ARB2A: variants seen among roughly 807,000 people sequenced by gnomAD.
ARB2A encodes ARB2 cotranscriptional regulator A.
At chr5:93,726,070 G>A in the ARB2A span, among the ~76,000 whole-genome samples, 7 of 152,092 alleles carry the variant, frequency 4.6e-5, no homozygotes, top group Non-Finnish European at 7.4e-5. Context: ...TCATAGATTC[G>A]AACATCAGTC....
the ARB2A span, among the ~76,000 whole-genome samples, chr5:93,993,307 C>A: frequency 2.6e-5 from 4 of 152,068 alleles, no homozygotes; most frequent in African/African-American, 9.7e-5. Flanking sequence ...GTTTCCCTAT[C>A]TCAGCATGTT....
At chr5:94,056,009 T>C in the ARB2A span, 1 of 728,550 alleles carries the variant, frequency 1.4e-6, no homozygotes, top group Non-Finnish European at 1.7e-6. Flanking sequence ...GTAACAAGTA[T>C]TATCATATTC....
chr5:93,765,508 AAGG>A, the ARB2A span, among the ~76,000 whole-genome samples: 1 of 152,204 alleles, frequency 6.6e-6, no homozygotes, highest in Non-Finnish European at 1.5e-5. Context: ...GGACCTCTTC[AAGG>A]AGAACTACAA....
chr5:94,101,946 T>A, the ARB2A span, among the ~76,000 whole-genome samples: 1 of 151,338 alleles, frequency 6.6e-6, no homozygotes, highest in Non-Finnish European at 1.5e-5. Flanking sequence ...CCTAAAATAA[T>A]TTTTTAAAAA....
chr5:93,836,324 G>T, the ARB2A span, among the ~76,000 whole-genome samples: 14 of 152,332 alleles, frequency 9.2e-5, no homozygotes, highest in African/African-American at 3.4e-4. Flanking sequence ...ACCACGCCAG[G>T]CCTAAAGAAA....
chr5:93,754,017 G>A, the ARB2A span, among the ~76,000 whole-genome samples: 28 of 152,238 alleles, frequency 1.8e-4, no homozygotes, highest in Non-Finnish European at 3.5e-4. Context: ...TTCATCTACC[G>A]CTGGATATAA....
the ARB2A span, chr5:93,683,137 T>C: frequency 4.7e-6 from 7 of 1,497,872 alleles, no homozygotes; most frequent in Non-Finnish European, 5.5e-6. Context: ...CTCGTATAGA[T>C]TTCTTCACTG....
chr5:93,709,310 A>G, the ARB2A span, among the ~76,000 whole-genome samples: 1 of 152,060 alleles, frequency 6.6e-6, no homozygotes, highest in African/African-American at 2.4e-5. Context: ...CTTAATTTAA[A>G]TCTTCATAGT....
At chr5:93,735,188 T>C in the ARB2A span, 1 of 152,272 alleles carries the variant, frequency 6.6e-6, no homozygotes, top group South Asian at 2.1e-4. Flanking sequence ...GATCTTCTGA[T>C]TAAAGTTTCT....
the ARB2A span, among the ~76,000 whole-genome samples, chr5:94,042,934 T>C: frequency 6.6e-6 from 1 of 152,318 alleles, no homozygotes; most frequent in African/African-American, 2.4e-5. Context: ...TAATTATAAT[T>C]GTTACATAAA....
At chr5:93,881,696 G>T in the ARB2A span, 1 of 1,469,248 alleles carries the variant, frequency 6.8e-7, no homozygotes, top group Non-Finnish European at 9.1e-7. Flanking sequence ...TTCCTGTTTT[G>T]AAATGAAAGA....
the ARB2A span, among the ~76,000 whole-genome samples, chr5:93,631,939 CCCT>C: frequency 4.9e-4 from 75 of 152,278 alleles, 1 homozygote; most frequent in Middle Eastern, 6.8e-3. Context: ...AAATCTGTGG[CCCT>C]CCTCCTTTCT....
the ARB2A span, among the ~76,000 whole-genome samples, chr5:93,954,628 C>T: frequency 1.3e-5 from 2 of 151,656 alleles, no homozygotes; most frequent in East Asian, 3.9e-4. Context: ...TCCTAGCTGC[C>T]CTGGCTGGTA....
the ARB2A span, among the ~76,000 whole-genome samples, chr5:93,936,217 T>C: frequency 2.6e-5 from 4 of 152,156 alleles, no homozygotes; most frequent in Non-Finnish European, 5.9e-5. Context: ...ATATTACACA[T>C]TATTCTAATT....
chr5:94,067,420 C>G, the ARB2A span, among the ~76,000 whole-genome samples: 1 of 152,050 alleles, frequency 6.6e-6, no homozygotes, highest in African/African-American at 2.4e-5. Flanking sequence ...CTGATATAAT[C>G]TTATATATAG....
At chr5:93,817,134 GA>G in the ARB2A span, among the ~76,000 whole-genome samples, 8 of 151,402 alleles carry the variant, frequency 5.3e-5, no homozygotes, top group Admixed American at 2.0e-4. Context: ...TAAAAATAGT[GA>G]ATTCAGCAAG....
chr5:93,886,646 T>C, the ARB2A span, among the ~76,000 whole-genome samples: 6 of 151,532 alleles, frequency 4.0e-5, no homozygotes, highest in Non-Finnish European at 7.4e-5. Context: ...CAATCAGAAG[T>C]CACTAGTGAA....
the ARB2A span, among the ~76,000 whole-genome samples, chr5:93,899,150 G>A: frequency 3.3e-5 from 5 of 152,116 alleles, no homozygotes; most frequent in African/African-American, 1.2e-4. Flanking sequence ...ATATATAGAT[G>A]GCACTTCTGG....
chr5:93,905,623 C>G, the ARB2A span, among the ~76,000 whole-genome samples: 1 of 151,518 alleles, frequency 6.6e-6, no homozygotes, highest in South Asian at 2.1e-4. Context: ...CACCTGGGCT[C>G]TAGACTTGGT....
Sources: gnomAD v4.1 joint callset for allele counts (sites outside exome capture counted in the v4.1 genomes callset) on GRCh38, gnomAD v4.1.1 for gene constraint, MANE v1.5 for transcripts, NCBI Gene and HGNC (gene_info 2026-07-23, HGNC 2026-07-21) for gene names.